ZNF225: variants seen among roughly 807,000 people sequenced by gnomAD.
The protein encoded by ZNF225 is zinc finger protein 225.
In ZNF225, 6 loss-of-function variants were observed where a neutral mutation model predicts 12.0. That is an observed-to-expected ratio of 0.50 (90% CI 0.27 to 0.98). The LOEUF (loss-of-function observed/expected upper bound fraction) is 0.98, where lower values mean the gene tolerates loss of function less well. Ranked by LOEUF, ZNF225 falls within the 50% of genes least tolerant of loss-of-function variation. ZNF225 has a pLI of 0.11. For synonymous variants in ZNF225, 271 were observed against 283.2 expected (o/e 0.96, Z 0.43); for missense variants, 763 against 848.2 (o/e 0.90, Z 1.25).
chr19:44,113,234 A>G (rs1967866699), upstream of ZNF225: 3 of 152,014 alleles, frequency 2.0e-5, no homozygotes, highest in South Asian at 4.2e-4. Flanking sequence ...CCGGCAGGCG[A>G]ATCAGGGGAT....
At chr19:44,114,288 C>T in intron 1 of ZNF225, 1 of 617,244 alleles carries the variant, frequency 1.6e-6, no homozygotes. Context: ...TGTCTTCGGG[C>T]ATGGGTGTTG....
At position 44,127,741 on chromosome 19, in the gene ZNF225, G is replaced by A. The variant is rs546268892; in HGVS notation, c.236-3109G>A. ...CGGCTCACTGTAGCCTCCGTGTCCC[G>A]GGTTCAAGTGATTCTCCTGCCTCAG... On this transcript the variant is annotated intron_variant, in intron 4 of 4. Transcript: ENST00000262894. Among the ~76,000 whole-genome samples the A allele has an allele frequency of 5.3e-5, 8 of 151,956 alleles. No homozygotes were observed. The South Asian group carries it at 6.2e-4, about 12-fold the overall frequency.
At chr19:44,118,415 G>A in intron 3 of ZNF225, 67 bp from the exon 4 acceptor site, 1 of 1,610,738 alleles carries the variant, frequency 6.2e-7, no homozygotes, top group South Asian at 1.1e-5. Context: ...TAAGTTTCCA[G>A]TAAATTTTAC....
Position 44,132,400 on chromosome 19 carries a change from TTC to T in ZNF225, c.1787_1788del (p.Phe596Ter). On this transcript the variant is annotated frameshift_variant, in exon 5 of 5. Coordinates refer to ENST00000262894, the MANE Select transcript of ZNF225 (RefSeq NM_013362.4). LOFTEE classifies it low-confidence loss of function (END_TRUNC). The part of the protein sequence containing the change: ...HKRLHGDEKP[F>X]KCEECGKRFT... ...GAGACTCCATGGTGATGAAAAGCCA[TTC>T]AAATGTGAAGAGTGTGGGAAGAGAT... 6.2e-7 allele frequency: 1 copy of T among 1,614,238 alleles called. No homozygotes were observed. Among genetic ancestry groups the T allele is most frequent in the Non-Finnish European group, 8.5e-7 (1 of 1,180,026 alleles).
At chr19:44,120,034 A>G (rs546307748) in intron 4 of ZNF225, among the ~76,000 whole-genome samples, 8 of 152,290 alleles carry the variant, frequency 5.3e-5, no homozygotes, top group Admixed American at 5.2e-4. Context: ...CCTGGCCAAC[A>G]TGGTGAAATC....
upstream of ZNF225, among the ~76,000 whole-genome samples, chr19:44,111,524 C>G (rs1365365566): frequency 6.6e-6 from 1 of 152,208 alleles, no homozygotes; most frequent in Non-Finnish European, 1.5e-5. Flanking sequence ...ACACTGTTCA[C>G]TACAGCCAAA....
chr19:44,117,917 G>A (rs992278394), intron 2 of ZNF225, among the ~76,000 whole-genome samples: 1 of 152,174 alleles, frequency 6.6e-6, no homozygotes, highest in Non-Finnish European at 1.5e-5. Flanking sequence ...TACTTGGGAG[G>A]CTGAGGCGGG....
chr19:44,123,785 G>A (rs1368254878), intron 4 of ZNF225, among the ~76,000 whole-genome samples: 1 of 152,146 alleles, frequency 6.6e-6, no homozygotes, highest in Non-Finnish European at 1.5e-5. Context: ...GTGTAAAGGT[G>A]TTCACAGTAG....
chr19:44,118,981 T>C (rs946826380), intron 4 of ZNF225, among the ~76,000 whole-genome samples: 5 of 152,224 alleles, frequency 3.3e-5, no homozygotes, highest in Admixed American at 3.3e-4. Context: ...CACGCCCGGC[T>C]AATTTTTTGT....
intron 2 of ZNF225, among the ~76,000 whole-genome samples, chr19:44,116,918 A>T (rs1967953269): frequency 6.6e-6 from 1 of 151,924 alleles, no homozygotes; most frequent in African/African-American, 2.4e-5. Context: ...TTGACATTTT[A>T]ATTTTCATTT....
intron 1 of ZNF225, among the ~76,000 whole-genome samples, 195 bp downstream of exon 1, chr19:44,113,764 C>T (rs942627477): frequency 1.3e-5 from 2 of 152,154 alleles, no homozygotes; most frequent in Non-Finnish European, 2.9e-5. Flanking sequence ...CGCGATAAAA[C>T]GCTGGGATGT....
At chr19:44,123,411 T>C (rs981857705) in intron 4 of ZNF225, among the ~76,000 whole-genome samples, 4 of 152,186 alleles carry the variant, frequency 2.6e-5, no homozygotes, top group African/African-American at 9.7e-5. Context: ...TTGTTAAGGA[T>C]TTTAGCATCA....
At position 44,133,336 on chromosome 19, in the gene ZNF225, A is replaced by G. The variant is rs983681192; in HGVS notation, c.*601A>G. The G allele has an allele frequency of 6.6e-6, 1 of 152,248 alleles. No individual in the cohort carries two copies. Among genetic ancestry groups the G allele is most frequent in the African/African-American group, 2.4e-5 (1 of 41,434 alleles). The allele number at this position is 152,248 out of a possible 1,614,324, so 9.4% of individuals were successfully genotyped here. On this transcript the variant is annotated 3_prime_UTR_variant, in exon 5 of 5. Coordinates refer to ENST00000262894, the MANE Select transcript of ZNF225 (RefSeq NM_013362.4). ...GGGGGGGTGGAGATAACACTTTAAC[A>G]TACTGATTTCCTTTTCTTTGGATAT...
At chr19:44,128,179 G>A (rs1968184938) in intron 4 of ZNF225, among the ~76,000 whole-genome samples, 1 of 152,164 alleles carries the variant, frequency 6.6e-6, no homozygotes, top group Admixed American at 6.5e-5. Context: ...AAAGAAGAAT[G>A]AGGATAAGGG....
chr19:44,120,172 G>A (rs760119982), intron 4 of ZNF225, among the ~76,000 whole-genome samples: 1 of 152,160 alleles, frequency 6.6e-6, no homozygotes, highest in Non-Finnish European at 1.5e-5. Flanking sequence ...AGCCGAGATG[G>A]CGCCACCGCA....
chr19:44,133,814 A>G lies in ZNF225; in HGVS notation c.*1079A>G, dbSNP rs1358164769. On this transcript the variant is annotated 3_prime_UTR_variant, in exon 5 of 5. Transcript: ENST00000262894. ...TTTTATAATCAAATCTACTAGAGAT[A>G]GATTTGATTTTTATAATCAAATCTA... The G allele has an allele frequency of 7.8e-6, 1 of 127,876 alleles. No homozygotes were observed. The allele number at this position is 127,876 out of a possible 1,614,324, so 7.9% of individuals were successfully genotyped here.
intron 4 of ZNF225, among the ~76,000 whole-genome samples, chr19:44,124,443 C>T (rs568595418): frequency 6.6e-6 from 1 of 152,076 alleles, no homozygotes; most frequent in East Asian, 1.9e-4. Flanking sequence ...CATATGGTCT[C>T]TCTTGGAGAA....
rs933450953 is a variant in ZNF225, at chr19:44,127,777, A to G, written c.236-3073A>G. 3.3e-5 allele frequency among the ~76,000 whole-genome samples: 5 copies of G among 151,904 alleles called. 1 individual carries two copies. The highest frequency in any genetic ancestry group is 1.2e-4 in the African/African-American group (5 of 41,314). ...ATTCTCCTGCCTCAGCCTCCCAAGT[A>G]GCTGGTATATGCCACCATGCCCAGC... On this transcript the variant is annotated intron_variant, in intron 4 of 4. Transcript: ENST00000262894.
intron 2 of ZNF225, among the ~76,000 whole-genome samples, chr19:44,117,625 G>A (rs1316918113): frequency 6.6e-6 from 1 of 152,180 alleles, no homozygotes; most frequent in East Asian, 1.9e-4. Flanking sequence ...GACTCAGTAA[G>A]TGCACAAAGT....
Sources: allele counts gnomAD v4.1 joint callset (sites outside exome capture counted in the v4.1 genomes callset), GRCh38; gene constraint gnomAD v4.1.1; transcripts MANE v1.5; gene names NCBI Gene and HGNC (gene_info 2026-07-23, HGNC 2026-07-21).